Variants in WDR17 observed in about 807,000 individuals in gnomAD.
WDR17 encodes WD repeat domain 17.
In WDR17, 143 loss-of-function variants were observed where a neutral mutation model predicts 161.7. The ratio of observed to expected loss-of-function variants is 0.88; its 90% CI spans 0.77 to 1.02. The LOEUF is 1.02. Among genes scored for constraint, WDR17 ranks in the 50% least tolerant of loss-of-function variants. WDR17 has a pLI of 0.00. For synonymous variants in WDR17, 517 were observed against 515.6 expected (o/e 1.00, Z -0.04); for missense variants, 1,469 against 1,520.9 (o/e 0.97, Z 0.57).
chr4:176,139,872 G>A lies in WDR17; in HGVS notation c.1360-20G>A. On this transcript the variant is annotated intron_variant, in intron 9 of 28. Coordinates refer to ENST00000508596, the MANE Select transcript of WDR17 (RefSeq NM_181265.4). The stretch of plus-strand genomic sequence containing the variant: ...GGGGTGAATTATTTCTTATTGATAG[G>A]TATTTTACATTTTTTGAAGCATGGA... 1 of 1,581,594 alleles carries A rather than the reference G, an allele frequency of 6.3e-7. No individual in the cohort carries two copies. Among genetic ancestry groups the A allele is most frequent in the Non-Finnish European group, 8.6e-7 (1 of 1,158,438 alleles).
intron 1 of WDR17, among the ~76,000 whole-genome samples, chr4:176,103,592 T>C (rs1462530991): frequency 1.3e-5 from 2 of 150,832 alleles, no homozygotes; most frequent in Non-Finnish European, 3.0e-5. Flanking sequence ...ATAATAGAGA[T>C]AGAAAACCAA....
At chr4:176,079,142 T>C (rs1475942620) in intron 1 of WDR17, among the ~76,000 whole-genome samples, 2 of 152,194 alleles carry the variant, frequency 1.3e-5, no homozygotes, top group African/African-American at 4.8e-5. Flanking sequence ...CTTTCTGTTC[T>C]TGGCTTATTT....
At chr4:176,120,504 T>C (rs551604791) in intron 4 of WDR17, among the ~76,000 whole-genome samples, 79 of 152,070 alleles carry the variant, frequency 5.2e-4, no homozygotes, top group African/African-American at 1.8e-3. Context: ...CCCATCTGCT[T>C]GTAAAAATAC....
intron 22 of WDR17, chr4:176,166,130 A>G (rs1749742700): frequency 2.8e-6 from 3 of 1,070,838 alleles, no homozygotes; most frequent in Non-Finnish European, 4.0e-6. Context: ...TTAGCTTTCC[A>G]TGTGTTGGAT....
Position 176,137,570 on chromosome 4 carries a change from T to C in WDR17, c.1318T>C (p.Trp440Arg). 1.9e-6 allele frequency: 3 copies of C among 1,600,372 alleles called. No individual in the cohort carries two copies. The highest frequency in any genetic ancestry group is 1.7e-6 in the Non-Finnish European group (2 of 1,171,408). ...AACTTCCCGAAATGGTGCTTTTATT[T>C]GGAATGTTCAAAAGGGCAAAATTAT... ...GGTSRNGAFI[W>R]NVQKGKIIQR... The change falls in exon 9 of 29, where the codon TGG (tryptophan) becomes CGG (arginine). Residue 440 changes from tryptophan (W) to arginine (R), a missense_variant. Transcript: ENST00000508596.
rs28391503 is a variant in WDR17, at chr4:176,114,775, T to A, written c.124-1021T>A. On this transcript the variant is annotated intron_variant, in intron 2 of 28. Transcript: ENST00000508596. ...GGGCGAGTTATGAATTAAGATAGCA[T>A]GGTCCGAAAACATCTCTCAGAAGAG... Among the ~76,000 whole-genome samples, 1,228 of 151,900 alleles carry A rather than the reference T, an allele frequency of 8.1e-3. 29 individuals carry two copies. Among genetic ancestry groups the A allele is most frequent in the African/African-American group, 0.027 (1,135 of 41,468 alleles).
At chr4:176,135,459 A>C in intron 8 of WDR17, 183 bp downstream of exon 8, 1 of 644,720 alleles carries the variant, frequency 1.6e-6, no homozygotes, top group Non-Finnish European at 2.6e-6. Context: ...CTGCAGAGGC[A>C]CTTTGATTCC....
At chr4:176,137,225 A>G (rs1454360843) in intron 8 of WDR17, among the ~76,000 whole-genome samples, 1 of 151,550 alleles carries the variant, frequency 6.6e-6, no homozygotes, top group Non-Finnish European at 1.5e-5. Context: ...AGAGATGCAT[A>G]CTGAAGTTTT....
chr4:176,068,464 G>A (rs1296384214), intron 1 of WDR17: 1 of 152,146 alleles, frequency 6.6e-6, no homozygotes, highest in Admixed American at 6.5e-5. Context: ...GCTGGGCGTG[G>A]TGGTGCACGT....
chr4:176,074,029 A>C (rs1733616951), intron 1 of WDR17, among the ~76,000 whole-genome samples: 1 of 150,746 alleles, frequency 6.6e-6, no homozygotes, highest in African/African-American at 2.4e-5. Context: ...AGGTTGCAAA[A>C]ATGTTCTCCC....
At chr4:176,137,420 C>A in intron 8 of WDR17, 100 bp from the exon 9 acceptor site, 1 of 861,756 alleles carries the variant, frequency 1.2e-6, no homozygotes, top group South Asian at 1.7e-5. Context: ...AAGAACTAGT[C>A]TGCAAATCAC....
At chr4:176,075,637 TA>T (rs1308613474) in intron 1 of WDR17, among the ~76,000 whole-genome samples, 1 of 152,194 alleles carries the variant, frequency 6.6e-6, no homozygotes, top group Non-Finnish European at 1.5e-5. Flanking sequence ...AATTGCCTTC[TA>T]AATCTTTCCA....
chr4:176,117,872 G>A (rs533297051), intron 3 of WDR17, among the ~76,000 whole-genome samples: 10 of 152,014 alleles, frequency 6.6e-5, no homozygotes, highest in Non-Finnish European at 1.2e-4. Context: ...TCCATCTTAA[G>A]TAACACTTTT....
At chr4:176,076,556 T>TA (rs1423494568) in intron 1 of WDR17, among the ~76,000 whole-genome samples, 4 of 151,822 alleles carry the variant, frequency 2.6e-5, no homozygotes, top group South Asian at 2.1e-4. Context: ...CTCTAAATTT[T>TA]AAAAAATCTC....
chr4:176,087,961 G>A (rs541240140), intron 1 of WDR17, among the ~76,000 whole-genome samples: 40 of 151,554 alleles, frequency 2.6e-4, no homozygotes, highest in Admixed American at 2.5e-3. Context: ...CTTGTGCCTC[G>A]GCCTTCTGAG....
At chr4:176,144,934 T>C (rs1241321480) in intron 11 of WDR17, among the ~76,000 whole-genome samples, 2 of 152,260 alleles carry the variant, frequency 1.3e-5, no homozygotes, top group Admixed American at 6.5e-5. Context: ...GCAAATTATA[T>C]TTTCCCAAAT....
chr4:176,072,596 G>A, intron 1 of WDR17, among the ~76,000 whole-genome samples: 1 of 152,172 alleles, frequency 6.6e-6, no homozygotes, highest in East Asian at 1.9e-4. Context: ...AAGAGCTCAA[G>A]TTAGTGGGCC....
chr4:176,159,152 TAA>T (rs928009548), intron 18 of WDR17, among the ~76,000 whole-genome samples: 7 of 152,046 alleles, frequency 4.6e-5, no homozygotes, highest in African/African-American at 1.7e-4. Context: ...AATGCTAGCA[TAA>T]ATTAAATAGA....
At chr4:176,127,095 A>G (rs1378343439) in intron 5 of WDR17, among the ~76,000 whole-genome samples, 6 of 152,228 alleles carry the variant, frequency 3.9e-5, no homozygotes, top group Non-Finnish European at 7.3e-5. Context: ...ACGAGAAAAT[A>G]TGCATAGGTT....
Sources: gnomAD v4.1 joint callset for allele counts (sites outside exome capture counted in the v4.1 genomes callset) on GRCh38, gnomAD v4.1.1 for gene constraint, MANE v1.5 for transcripts, NCBI Gene and HGNC (gene_info 2026-07-23, HGNC 2026-07-21) for gene names.